Variants in DACH2 observed in about 807,000 individuals in gnomAD.
DACH2 encodes dachshund family transcription factor 2, also known as dachshund homolog 2.
Under a neutral mutation model 35.8 loss-of-function variants are expected in DACH2, and 17 were observed. The ratio of observed to expected loss-of-function variants is 0.48; its 90% CI spans 0.33 to 0.71. The LOEUF (loss-of-function observed/expected upper bound fraction) is 0.71, where lower values mean the gene tolerates loss of function less well. DACH2 is among the 30% of genes least tolerant of loss of function. DACH2 has a pLI of 0.02. For synonymous variants in DACH2, 195 were observed against 177.3 expected, an observed-to-expected ratio of 1.10 and a Z score of -0.79; for missense variants, 469 against 472.7, an observed-to-expected ratio of 0.99 and a Z score of 0.07.
intron 1 of DACH2, among the ~76,000 whole-genome samples, chrX:86,279,055 A>G (rs936447732): frequency 1.1e-4 from 12 of 112,096 alleles, no homozygotes; most frequent in African/African-American, 3.9e-4. Flanking sequence ...AGGGGCTTAT[A>G]GATAAAACTC....
At chrX:86,769,375 C>A (rs1224982311) in intron 7 of DACH2, among the ~76,000 whole-genome samples, 1 of 112,179 alleles carries the variant, frequency 8.9e-6, no homozygotes, top group African/African-American at 3.2e-5. Context: ...CTAAAGCAAT[C>A]TACACATCCT....
chrX:86,349,904 G>GC (rs2148070964), intron 1 of DACH2, among the ~76,000 whole-genome samples: 1 of 111,865 alleles, frequency 8.9e-6, no homozygotes, highest in South Asian at 3.8e-4. Context: ...GGTGGCTCAC[G>GC]CCTGTAATCC....
chrX:86,300,150 G>A (rs1166704233), intron 1 of DACH2, among the ~76,000 whole-genome samples: 1 of 110,793 alleles, frequency 9.0e-6, no homozygotes, highest in Non-Finnish European at 1.9e-5. Context: ...CTCTATGTTT[G>A]TACCCATTAG....
At chrX:86,821,902 T>G (rs1183595600) in intron 11 of DACH2, among the ~76,000 whole-genome samples, 3 of 111,988 alleles carry the variant, frequency 2.7e-5, no homozygotes, top group Non-Finnish European at 5.6e-5. Flanking sequence ...TAAGTTGTTC[T>G]GCTAGTCAGC....
intron 2 of DACH2, among the ~76,000 whole-genome samples, chrX:86,442,909 T>C (rs1002848898): frequency 3.6e-5 from 4 of 111,715 alleles, no homozygotes; most frequent in Admixed American, 2.9e-4. Context: ...ATTTTTGGGC[T>C]ATCTTTTCTG....
At chrX:86,275,093 A>G (rs1287728234) in intron 1 of DACH2, among the ~76,000 whole-genome samples, 1 of 111,933 alleles carries the variant, frequency 8.9e-6, no homozygotes, top group Non-Finnish European at 1.9e-5. Context: ...GCCAGGGTTG[A>G]GAGAACTAAA....
intron 7 of DACH2, among the ~76,000 whole-genome samples, chrX:86,783,599 T>C (rs148931022): frequency 6.4e-4 from 72 of 112,167 alleles, no homozygotes; most frequent in Non-Finnish European, 1.1e-3. Context: ...AGGAATGAGA[T>C]CTTGTCATTT....
chrX:86,254,373 T>G (rs1398292191), intron 1 of DACH2, among the ~76,000 whole-genome samples: 2 of 111,143 alleles, frequency 1.8e-5, no homozygotes, highest in Non-Finnish European at 3.8e-5. Context: ...TTCTTTTTCT[T>G]GTTTGTTACC....
intron 4 of DACH2, among the ~76,000 whole-genome samples, chrX:86,678,951 G>A (rs982232662): frequency 9.0e-6 from 1 of 111,179 alleles, no homozygotes; most frequent in African/African-American, 3.3e-5. Context: ...GGAGCTGCCT[G>A]TTCCCTTGGT....
At chrX:86,724,588 G>T (rs753680926) in intron 6 of DACH2, among the ~76,000 whole-genome samples, 2 of 111,434 alleles carry the variant, frequency 1.8e-5, no homozygotes, top group African/African-American at 6.5e-5. Context: ...CTTTATAGAC[G>T]ACTAGATGTT....
At chrX:86,169,190 A>G in intron 1 of DACH2, among the ~76,000 whole-genome samples, 1 of 111,299 alleles carries the variant, frequency 9.0e-6, no homozygotes, top group East Asian at 2.8e-4. Context: ...TGGTAAAAGC[A>G]TTTTTCCTTC....
intron 3 of DACH2, among the ~76,000 whole-genome samples, chrX:86,611,357 G>A (rs1001923485): frequency 3.6e-5 from 4 of 109,644 alleles, no homozygotes; most frequent in African/African-American, 1.3e-4. Flanking sequence ...TTTTGGAGCT[G>A]CAAGCTGTGC....
At chrX:86,659,218 A>C (rs1014070667) in intron 4 of DACH2, among the ~76,000 whole-genome samples, 1 of 109,939 alleles carries the variant, frequency 9.1e-6, no homozygotes, top group Admixed American at 9.8e-5. Context: ...AACTTTCACT[A>C]CTCTACCCAT....
At chrX:86,568,718 T>A (rs1200108134) in intron 3 of DACH2, among the ~76,000 whole-genome samples, 1 of 111,561 alleles carries the variant, frequency 9.0e-6, no homozygotes. Flanking sequence ...TTGTGTTAGA[T>A]TCCTGATGCA....
intron 1 of DACH2, among the ~76,000 whole-genome samples, chrX:86,248,376 A>C (rs1429310956): frequency 9.0e-6 from 1 of 111,535 alleles, no homozygotes; most frequent in Non-Finnish European, 1.9e-5. Flanking sequence ...CACAAAAATC[A>C]GCAGCATTTT....
chrX:86,373,699 C>T (rs1402234416), intron 1 of DACH2, among the ~76,000 whole-genome samples: 2 of 110,786 alleles, frequency 1.8e-5, no homozygotes, highest in Non-Finnish European at 3.8e-5. Context: ...AGTTCAGGCA[C>T]CCCCATTATA....
At chrX:86,294,892 C>T (rs1245699969) in intron 1 of DACH2, among the ~76,000 whole-genome samples, 1 of 110,050 alleles carries the variant, frequency 9.1e-6, no homozygotes, top group Non-Finnish European at 1.9e-5. Flanking sequence ...GTGCCCTGCC[C>T]CCAGAGGTGG....
intron 2 of DACH2, among the ~76,000 whole-genome samples, chrX:86,398,243 G>A (rs1339954201): frequency 1.8e-5 from 2 of 111,969 alleles, no homozygotes; most frequent in South Asian, 3.7e-4. Context: ...TATCCCCTTT[G>A]TCATTTTTTA....
intron 10 of DACH2, 49 bp downstream of exon 10, chrX:86,814,883 G>C (rs1170469424): frequency 8.9e-7 from 1 of 1,119,289 alleles, no homozygotes; most frequent in African/African-American, 1.8e-5. Context: ...AAGCAAAACT[G>C]ATTGAAGAAA....
Sources: gnomAD v4.1 joint callset for allele counts (sites outside exome capture counted in the v4.1 genomes callset) on GRCh38, gnomAD v4.1.1 for gene constraint, MANE v1.5 for transcripts, NCBI Gene and HGNC (gene_info 2026-07-23, HGNC 2026-07-21) for gene names.